LRRC2: variants seen among roughly 807,000 people sequenced by gnomAD.
LRRC2 encodes the protein leucine-rich repeat-containing protein 2.
Under a neutral mutation model 40.2 loss-of-function variants are expected in LRRC2, and 27 were observed. The ratio of observed to expected loss-of-function variants is 0.67; its 90% CI spans 0.49 to 0.93. LRRC2 has a LOEUF of 0.93. Ranked by LOEUF, LRRC2 falls within the 40% of genes least tolerant of loss-of-function variation. LRRC2 has a pLI of 0.00. For missense variants in LRRC2, 402 were observed against 439.6 expected (o/e 0.91, Z 0.76); for synonymous variants, 147 against 158.9 (o/e 0.92, Z 0.56).
At chr3:46,534,423 C>CCTTTCTTTCTTTCTTT (rs754860415) in intron 4 of LRRC2, among the ~76,000 whole-genome samples, 14 of 101,106 alleles carry the variant, frequency 1.4e-4, no homozygotes, top group African/African-American at 4.1e-4. Flanking sequence ...TTCCTTCCTT[C>CCTTTCTTTCTTTCTTT]CTTTCTTTCT....
chr3:46,524,228 G>A (rs1704016353), intron 7 of LRRC2, among the ~76,000 whole-genome samples: 1 of 152,244 alleles, frequency 6.6e-6, no homozygotes, highest in South Asian at 2.1e-4. Flanking sequence ...CCAAGGTACC[G>A]GCCTCACTGT....
At chr3:46,538,935 C>G in intron 4 of LRRC2, 110 bp downstream of exon 4, 2 of 1,243,882 alleles carry the variant, frequency 1.6e-6, no homozygotes, top group Non-Finnish European at 2.2e-6. Context: ...CCAACCACTT[C>G]CTGGGGAAGC....
chr3:46,549,333 T>C (rs1704593247), intron 2 of LRRC2, among the ~76,000 whole-genome samples: 1 of 152,140 alleles, frequency 6.6e-6, no homozygotes, highest in African/African-American at 2.4e-5. Context: ...GTACTAATGA[T>C]CACAGTATGA....
At chr3:46,532,303 T>TA (rs1023653351) in intron 5 of LRRC2, among the ~76,000 whole-genome samples, 2 of 152,162 alleles carry the variant, frequency 1.3e-5, no homozygotes, top group Non-Finnish European at 2.9e-5. Flanking sequence ...TCTGACATAG[T>TA]ATAAAATGTT....
intron 1 of LRRC2, among the ~76,000 whole-genome samples, chr3:46,562,586 T>C (rs1348987433): frequency 6.6e-6 from 1 of 152,198 alleles, no homozygotes; most frequent in Non-Finnish European, 1.5e-5. Context: ...CCTCCTTGAA[T>C]ATGCACTTGG....
intron 1 of LRRC2, among the ~76,000 whole-genome samples, chr3:46,556,224 A>G (rs1449539430): frequency 6.6e-6 from 1 of 151,722 alleles, no homozygotes; most frequent in Non-Finnish European, 1.5e-5. Flanking sequence ...GGCTCAAACA[A>G]TCCTCCCATC....
At chr3:46,553,397 A>G (rs1704708650) in intron 1 of LRRC2, among the ~76,000 whole-genome samples, 1 of 152,198 alleles carries the variant, frequency 6.6e-6, no homozygotes, top group Admixed American at 6.5e-5. Flanking sequence ...TTCTCCTCCA[A>G]TTTCAGACAC....
At chr3:46,529,426 T>G (rs531766354) in intron 6 of LRRC2, among the ~76,000 whole-genome samples, 1 of 152,218 alleles carries the variant, frequency 6.6e-6, no homozygotes, top group Admixed American at 6.5e-5. Flanking sequence ...AAAATAAAAA[T>G]TTAAAAATAT....
chr3:46,557,772 G>A (rs1704841477), intron 1 of LRRC2: 2 of 152,210 alleles, frequency 1.3e-5, no homozygotes, highest in African/African-American at 2.4e-5. Flanking sequence ...GTCTGGAGTT[G>A]CTGGGTAACT....
At chr3:46,564,330 TCCACTTTACAGAG>T (rs1203377793) in intron 1 of LRRC2, among the ~76,000 whole-genome samples, 1 of 151,960 alleles carries the variant, frequency 6.6e-6, no homozygotes, top group African/African-American at 2.4e-5. Flanking sequence ...TACAGAGCCA[TCCACTTTACAGAG>T]CCAGAGGGCA....
intron 3 of LRRC2, among the ~76,000 whole-genome samples, chr3:46,541,701 A>T (rs551114090): frequency 6.6e-6 from 1 of 152,246 alleles, no homozygotes; most frequent in South Asian, 2.1e-4. Flanking sequence ...TGGAAGTGAG[A>T]GCTGAAGTCA....
At chr3:46,554,002 G>GGTTGTT (rs34135160) in intron 1 of LRRC2, among the ~76,000 whole-genome samples, 1 of 151,488 alleles carries the variant, frequency 6.6e-6, no homozygotes, top group Non-Finnish European at 1.5e-5. Context: ...TTGTTTCATT[G>GGTTGTT]GTTGTTGTTG....
chr3:46,540,957 C>T (rs1704373615), intron 3 of LRRC2, among the ~76,000 whole-genome samples: 1 of 152,206 alleles, frequency 6.6e-6, no homozygotes, highest in Non-Finnish European at 1.5e-5. Flanking sequence ...CATAAATAAC[C>T]TCATTCCACT....
Position 46,564,932 on chromosome 3 carries a change from C to G in LRRC2, c.-20+1245G>C, listed in dbSNP as rs17078958. 4.3e-3 allele frequency among the ~76,000 whole-genome samples: 652 copies of G among 152,354 alleles called. 3 individuals are homozygous for G. The highest frequency in any genetic ancestry group is 0.015 in the African/African-American group (610 of 41,576). ...GGGCAATAATATGACAACCAAGGAG[C>G]TTTGGTGACTCACAAATTCCATTCT... On this transcript the variant is annotated intron_variant, in intron 1 of 8. Transcript: ENST00000395905.
At chr3:46,534,421 TTCC>T (rs2107002403) in intron 4 of LRRC2, among the ~76,000 whole-genome samples, 1 of 116,740 alleles carries the variant, frequency 8.6e-6, no homozygotes, top group Non-Finnish European at 1.7e-5. Flanking sequence ...TTTTCCTTCC[TTCC>T]TTTCTTTCTT....
intron 2 of LRRC2, among the ~76,000 whole-genome samples, chr3:46,546,288 G>A (rs989202864): frequency 6.6e-6 from 1 of 152,222 alleles, no homozygotes; most frequent in Non-Finnish European, 1.5e-5. Context: ...AAGGAAGGGT[G>A]GTTCAGAGTC....
Position 46,517,543 on chromosome 3 carries a change from T to C in LRRC2, c.*1471A>G, listed in dbSNP as rs1703887632. 1 of 152,128 alleles carries C rather than the reference T, an allele frequency of 6.6e-6. No homozygotes were observed. Among genetic ancestry groups the C allele is most frequent in the Admixed American group, 6.5e-5 (1 of 15,268 alleles). 9.4% of individuals were successfully genotyped at this position (152,128 alleles called of 1,614,324 possible). A position where few individuals can be genotyped will look rare whatever the true frequency, so the allele number is the denominator to read the frequency against. On this transcript the variant is annotated 3_prime_UTR_variant, in exon 9 of 9. Coordinates refer to ENST00000395905, the MANE Select transcript of LRRC2 (RefSeq NM_024512.5). ...GGTTTCGTCATGATGTCCAAGCTGT[T>C]CTCAAAATCCTGTTCTCAAATTCCT...
chr3:46,537,725 G>A (rs1343680258), intron 4 of LRRC2, among the ~76,000 whole-genome samples: 6 of 152,314 alleles, frequency 3.9e-5, no homozygotes, highest in African/African-American at 1.4e-4. Context: ...ACTTATCCTT[G>A]TTGGGTCTAA....
rs532805515 is a variant in LRRC2, at chr3:46,530,438, G to C, written c.628-388C>G. 7.2e-5 allele frequency among the ~76,000 whole-genome samples: 11 copies of C among 152,262 alleles called. No individual in the cohort carries two copies. The South Asian group carries it at 2.3e-3, about 32-fold the overall frequency. ...CTACTAAAAATACAAAAATTAACCA[G>C]ATGTGCTGGTGCACACCTGTAATCC... On this transcript the variant is annotated intron_variant, in intron 5 of 8. Coordinates refer to ENST00000395905, the MANE Select transcript of LRRC2 (RefSeq NM_024512.5).
Sources: allele counts gnomAD v4.1 joint callset (sites outside exome capture counted in the v4.1 genomes callset), GRCh38; gene constraint gnomAD v4.1.1; transcripts MANE v1.5; gene names NCBI Gene and HGNC (gene_info 2026-07-23, HGNC 2026-07-21).